The following QRICH1 variants were observed in gnomAD, a reference collection of about 807,000 sequenced individuals.
QRICH1 encodes transcriptional regulator QRICH1.
Under a neutral mutation model 87.1 loss-of-function variants are expected in QRICH1, and 16 were observed. The observed-to-expected ratio is 0.18, with a 90% CI of 0.12 to 0.28. The LOEUF is 0.28. Among genes scored for constraint, QRICH1 ranks in the 10% least tolerant of loss-of-function variants. QRICH1 has a pLI of 1.00. For missense variants in QRICH1, 647 were observed against 951.7 expected, an observed-to-expected ratio of 0.68 and a Z score of 4.21; for synonymous variants, 367 against 368.4, an observed-to-expected ratio of 1.00 and a Z score of 0.05.
intron 2 of QRICH1, among the ~76,000 whole-genome samples, chr3:49,059,151 G>C (rs1224480953): frequency 6.6e-6 from 1 of 150,614 alleles, no homozygotes; most frequent in Non-Finnish European, 1.5e-5. Context: ...ATTTTTAGTA[G>C]AGATGGAATT....
rs540671814 is a variant in QRICH1 at position 49,093,925 on chromosome 3, TGCCGCC to T, written c.-41_-36del. 7.4e-5 allele frequency: 18 copies of T among 242,358 alleles called. No individual in the cohort carries two copies. The highest frequency in any genetic ancestry group is 7.0e-5 in the East Asian group (1 of 14,188). The allele number at this position is 242,358 out of a possible 1,614,324, so 15.0% of individuals were successfully genotyped here. A position where few individuals can be genotyped will look rare whatever the true frequency, so the allele number is the denominator to read the frequency against. ...TGGAGCCCTCACCCGGCGACGTCAC[TGCCGCC>T]GCCGCCGCCGCCTCCGCTGCACCCG... On this transcript the variant is annotated 5_prime_UTR_variant, in exon 1 of 10. Coordinates refer to ENST00000395443, the MANE Select transcript of QRICH1 (RefSeq NM_198880.3).
chr3:49,071,030 T>TA (rs2093497352), intron 2 of QRICH1, among the ~76,000 whole-genome samples: 1 of 150,682 alleles, frequency 6.6e-6, no homozygotes, highest in Admixed American at 6.7e-5. Flanking sequence ...ATCTTGAACA[T>TA]AAAGTCTCAA....
intron 5 of QRICH1, 25 bp downstream of exon 5, chr3:49,046,400 G>A (rs1446680680): frequency 1.2e-6 from 2 of 1,601,112 alleles, no homozygotes; most frequent in Non-Finnish European, 1.7e-6. Context: ...GCTCAAACAT[G>A]TTCTTGTGAA....
At position 49,076,988 on chromosome 3, in the gene QRICH1, GGAGAT is replaced by G; in HGVS notation, c.25_29del (p.Ile9LeufsTer2). 6.5e-7 allele frequency: 1 copy of G among 1,527,468 alleles called. No homozygotes were observed. Among genetic ancestry groups the G allele is most frequent in the African/African-American group, 1.4e-5 (1 of 72,544 alleles). 94.6% of individuals were successfully genotyped at this position (1,527,468 alleles called of 1,614,324 possible). A position where few individuals can be genotyped will look rare whatever the true frequency, so the allele number is the denominator to read the frequency against. ...CCTTTACTCGGATGTACTCTTCAAA[GGAGAT>G]GGTGTTCTCTAGGGAATTATTCATA... On this transcript the variant is annotated frameshift_variant, in exon 2 of 10. Coordinates refer to ENST00000395443, the MANE Select transcript of QRICH1 (RefSeq NM_198880.3). LOFTEE classifies it high-confidence loss of function.
At chr3:49,053,344 C>T (rs2093382399) in intron 3 of QRICH1, among the ~76,000 whole-genome samples, 1 of 151,700 alleles carries the variant, frequency 6.6e-6, no homozygotes, top group Non-Finnish European at 1.5e-5. Flanking sequence ...AAAAATTAGC[C>T]GGGTGTGGTG....
intron 1 of QRICH1, among the ~76,000 whole-genome samples, chr3:49,085,639 T>A (rs1332434834): frequency 6.6e-6 from 1 of 151,490 alleles, no homozygotes; most frequent in Admixed American, 6.6e-5. Flanking sequence ...GTGCCTGTAA[T>A]CCCAGCTACT....
chr3:49,072,307 G>C (rs1317203957), intron 2 of QRICH1, among the ~76,000 whole-genome samples: 2 of 151,866 alleles, frequency 1.3e-5, no homozygotes, highest in Non-Finnish European at 2.9e-5. Flanking sequence ...TAAATATAAA[G>C]ATAAAAAATG....
At chr3:49,073,083 T>C (rs1370234078) in intron 2 of QRICH1, among the ~76,000 whole-genome samples, 1 of 151,944 alleles carries the variant, frequency 6.6e-6, no homozygotes, top group Non-Finnish European at 1.5e-5. Flanking sequence ...ACCTTCTATC[T>C]CACCAGGCAC....
chr3:49,058,574 C>T (rs558072472), intron 2 of QRICH1, among the ~76,000 whole-genome samples: 1 of 152,296 alleles, frequency 6.6e-6, no homozygotes, highest in South Asian at 2.1e-4. Flanking sequence ...GGTCCACCCA[C>T]CTCGGCCTCC....
intron 6 of QRICH1, among the ~76,000 whole-genome samples, chr3:49,040,614 C>A (rs1031703742): frequency 6.6e-6 from 1 of 152,194 alleles, no homozygotes; most frequent in African/African-American, 2.4e-5. Flanking sequence ...TTTGTCTAAC[C>A]AGTAAGTTTC....
At chr3:49,093,399 G>C (rs554331569) in intron 1 of QRICH1, 1 of 152,240 alleles carries the variant, frequency 6.6e-6, no homozygotes, top group East Asian at 1.9e-4. Context: ...CACCAGACCA[G>C]AAAGGACCCA....
chr3:49,044,555 T>C lies in QRICH1; in HGVS notation c.1672-51A>G, dbSNP rs976878904. ...TTATTGGTAGTCTCCTGAACAAGGA[T>C]TTCAGGGGAAATAAATATATTTTTC... On this transcript the variant is annotated intron_variant, in intron 5 of 9. Coordinates refer to ENST00000395443, the MANE Select transcript of QRICH1 (RefSeq NM_198880.3). 2.3e-6 allele frequency: 3 copies of C among 1,280,464 alleles called. No individual in the cohort carries two copies. In the South Asian group the frequency reaches 3.8e-5, roughly 16 times the overall value. The allele number at this position is 1,280,464 out of a possible 1,614,324, so 79.3% of individuals were successfully genotyped here.
Position 49,057,381 on chromosome 3 carries a change from C to T in QRICH1, c.819G>A (p.Gln273=). The change falls in exon 3 of 10, where the codon CAG becomes CAA. Residue 273 remains glutamine (Q), a synonymous_variant. Transcript: ENST00000395443. This position sits in a 1 kb window ranked among gnomAD's most constrained non-coding sequence, Gnocchi z 5.4. ...QPVATVLAIP[Q]GQQQSYVSLR... is the part of the protein sequence containing the mutation. ...AAGACACATAACTCTGCTGCTGGCC[C>T]TGTGGAATGGCCAGCACGGTGGCCA... is the stretch of plus-strand genomic sequence containing the variant. 1 of 1,614,190 alleles carries T rather than the reference C, an allele frequency of 6.2e-7. No individual in the cohort carries two copies. Among genetic ancestry groups the T allele is most frequent in the African/African-American group, 1.3e-5 (1 of 75,070 alleles).
Position 49,032,725 on chromosome 3 carries a change from G to A in QRICH1, c.1944C>T (p.Ser648=), listed in dbSNP as rs757060135. 3.7e-6 allele frequency: 6 copies of A among 1,610,426 alleles called. No homozygotes were observed. In the African/African-American group the frequency reaches 4.0e-5, roughly 11 times the overall value. Residue 648 remains serine (S), a synonymous_variant, in exon 8 of 10, where the codon TCC becomes TCT. Transcript: ENST00000395443. ...TVDQHMKLAF[S]KVLRQTKKNP... ...TCTTCTTTGTCTGTCGCAAGACCTTGGAGAAGGCCAGCTTCATGTGCTGGT... is the reference window on the plus strand; with the variant it reads ...TCTTCTTTGTCTGTCGCAAGACCTTAGAGAAGGCCAGCTTCATGTGCTGGT...
chr3:49,085,082 G>A (rs1202869727), intron 1 of QRICH1, among the ~76,000 whole-genome samples: 2 of 151,948 alleles, frequency 1.3e-5, no homozygotes, highest in Non-Finnish European at 2.9e-5. Flanking sequence ...GGTGGAGCTT[G>A]CAGTGAGCCA....
intron 2 of QRICH1, among the ~76,000 whole-genome samples, chr3:49,069,543 ATTT>A (rs372639913): frequency 2.4e-5 from 3 of 122,770 alleles, no homozygotes; most frequent in Non-Finnish European, 3.3e-5. Flanking sequence ...ATGGGGGGGA[ATTT>A]TTTTTTTTTT....
At chr3:49,043,083 C>T (rs928205061) in intron 6 of QRICH1, among the ~76,000 whole-genome samples, 5 of 152,086 alleles carry the variant, frequency 3.3e-5, no homozygotes, top group African/African-American at 1.2e-4. Flanking sequence ...ATGTACCATA[C>T]TAACGCAACA....
At chr3:49,069,104 A>AT (rs201458261) in intron 2 of QRICH1, among the ~76,000 whole-genome samples, 19,280 of 101,592 alleles carry the variant, frequency 0.19, 1,691 homozygotes, top group East Asian at 0.3. Flanking sequence ...TATTATTATT[A>AT]TTATTTTTTT....
chr3:49,086,586 T>C (rs927193986), intron 1 of QRICH1, among the ~76,000 whole-genome samples: 1 of 152,144 alleles, frequency 6.6e-6, no homozygotes, highest in African/African-American at 2.4e-5. Flanking sequence ...GCATAGTGCC[T>C]GATGCACAGC....
Sources: allele counts gnomAD v4.1 joint callset (sites outside exome capture counted in the v4.1 genomes callset), GRCh38; gene constraint gnomAD v4.1.1; non-coding constraint Gnocchi (gnomAD v3.1); transcripts MANE v1.5; gene names NCBI Gene and HGNC (gene_info 2026-07-23, HGNC 2026-07-21).